The following GRK5 variants were observed in gnomAD, a reference collection of about 807,000 sequenced individuals.
GRK5 encodes g protein-coupled receptor kinase GRK5.
GRK5 carries 40 observed loss-of-function variants against 78.4 expected under a neutral mutation model. The ratio of observed to expected loss-of-function variants is 0.51; its 90% CI spans 0.40 to 0.66. GRK5 has a LOEUF of 0.66. GRK5 is among the 30% of genes least tolerant of loss of function. GRK5 has a pLI of 0.00. For synonymous variants in GRK5, 289 were observed against 296.8 expected (o/e 0.97, Z 0.27); for missense variants, 598 against 759.9 (o/e 0.79, Z 2.50).
chr10:119,237,681 G>A (rs1184105012), intron 1 of GRK5, among the ~76,000 whole-genome samples: 1 of 152,140 alleles, frequency 6.6e-6, no homozygotes, highest in African/African-American at 2.4e-5. Context: ...ACTTCAGGGA[G>A]CCGGAGAGGG....
chr10:119,275,067 G>C (rs1487090403), intron 1 of GRK5, among the ~76,000 whole-genome samples: 1 of 152,150 alleles, frequency 6.6e-6, no homozygotes, highest in Non-Finnish European at 1.5e-5. Flanking sequence ...CTGGGTTTGG[G>C]GAAGATTGAG....
chr10:119,431,506 G>A lies in GRK5; in HGVS notation c.717G>A (p.Glu239=), dbSNP rs1223452440. ...SMALNEKQIL[E]KVNSQFVVNL... The stretch of plus-strand genomic sequence containing the variant: ...CCCTCAATGAGAAGCAGATCCTCGA[G>A]AAGGTCAACAGTCAGTTTGTGGTGA... Residue 239 remains glutamate, a synonymous_variant, in exon 8 of 16, where the codon GAG becomes GAA. Transcript: ENST00000392870. The surrounding 1 kb of genome is among the most constrained non-coding windows in gnomAD (Gnocchi z 4.8). 6.2e-7 allele frequency: 1 copy of A among 1,613,850 alleles called. No individual in the cohort carries two copies. Among genetic ancestry groups the A allele is most frequent in the South Asian group, 1.1e-5 (1 of 91,030 alleles).
intron 1 of GRK5, among the ~76,000 whole-genome samples, chr10:119,256,965 G>T (rs566109954): frequency 6.6e-6 from 1 of 152,284 alleles, no homozygotes; most frequent in African/African-American, 2.4e-5. Context: ...GACATTTCAC[G>T]TAAATGAAAT....
chr10:119,212,344 G>C (rs1848501314), intron 1 of GRK5, among the ~76,000 whole-genome samples: 1 of 152,184 alleles, frequency 6.6e-6, no homozygotes, highest in African/African-American at 2.4e-5. Flanking sequence ...TAGCTTAGCT[G>C]CTGCTTGTCA....
chr10:119,414,212 T>C (rs1852401198), intron 4 of GRK5, among the ~76,000 whole-genome samples: 1 of 152,194 alleles, frequency 6.6e-6, no homozygotes, highest in South Asian at 2.1e-4. Context: ...TGCCCACATA[T>C]GAAAATATAC....
intron 1 of GRK5, among the ~76,000 whole-genome samples, chr10:119,266,021 C>A (rs566915484): frequency 3.1e-4 from 47 of 152,286 alleles, no homozygotes; most frequent in African/African-American, 1.1e-3. Flanking sequence ...TTCAGCTGAA[C>A]CTAAGGCTAC....
chr10:119,277,469 CT>C (rs143223262), intron 1 of GRK5, among the ~76,000 whole-genome samples: 20,233 of 152,140 alleles, frequency 0.13, 1,420 homozygotes, highest in Middle Eastern at 0.17. Context: ...GGCTACACCC[CT>C]CTCCCCCTCT....
intron 1 of GRK5, among the ~76,000 whole-genome samples, chr10:119,290,215 C>T (rs904391605): frequency 4.0e-5 from 6 of 151,808 alleles, no homozygotes; most frequent in Non-Finnish European, 7.4e-5. Flanking sequence ...GGCATGTTGG[C>T]GGGTGCCTGT....
chr10:119,365,002 C>A (rs1384385859), intron 2 of GRK5, among the ~76,000 whole-genome samples: 1 of 152,092 alleles, frequency 6.6e-6, no homozygotes, highest in Non-Finnish European at 1.5e-5. Flanking sequence ...GAGGAGCTAC[C>A]TATCAGGTTT....
intron 2 of GRK5, among the ~76,000 whole-genome samples, chr10:119,337,269 T>C (rs1328501101): frequency 6.6e-6 from 1 of 152,196 alleles, no homozygotes; most frequent in Non-Finnish European, 1.5e-5. Context: ...AGAAACAAGG[T>C]CTTGCCAGGG....
chr10:119,256,867 T>C (rs1374290298), intron 1 of GRK5, among the ~76,000 whole-genome samples: 1 of 152,206 alleles, frequency 6.6e-6, no homozygotes, highest in Non-Finnish European at 1.5e-5. Flanking sequence ...AAAGAAACCC[T>C]GGATCTAATA....
At chr10:119,427,899 A>G (rs1852731741) in intron 6 of GRK5, among the ~76,000 whole-genome samples, 1 of 146,880 alleles carries the variant, frequency 6.8e-6, no homozygotes, top group South Asian at 2.1e-4. Flanking sequence ...TGCTATCATC[A>G]GTATCATCGC....
chr10:119,317,896 G>T (rs1310313958), intron 1 of GRK5, among the ~76,000 whole-genome samples: 1 of 152,050 alleles, frequency 6.6e-6, no homozygotes, highest in African/African-American at 2.4e-5. Flanking sequence ...TTACAGCAGT[G>T]GTTCTCAAAG....
At chr10:119,329,616 G>C (rs1231728081) in intron 2 of GRK5, among the ~76,000 whole-genome samples, 1 of 152,060 alleles carries the variant, frequency 6.6e-6, no homozygotes, top group Non-Finnish European at 1.5e-5. Flanking sequence ...TGTAATCCCA[G>C]CTACTCGGGA....
At chr10:119,440,874 C>T (rs975098536) in intron 10 of GRK5, among the ~76,000 whole-genome samples, 18 of 152,154 alleles carry the variant, frequency 1.2e-4, no homozygotes, top group African/African-American at 4.3e-4. Flanking sequence ...TAGATCTTCC[C>T]ACCTGCACAG....
chr10:119,423,516 T>A (rs1852612873), intron 5 of GRK5, among the ~76,000 whole-genome samples: 1 of 152,224 alleles, frequency 6.6e-6, no homozygotes, highest in East Asian at 1.9e-4. Flanking sequence ...CAGAGGAATG[T>A]GCAAACATTT....
In GRK5 at chr10:119,442,093, G is replaced by A. The variant is rs1359732443; in HGVS notation, c.1057+5G>A. On this transcript the variant is annotated splice_donor_5th_base_variant and intron_variant, in intron 11 of 15. Coordinates refer to ENST00000392870, the MANE Select transcript of GRK5 (RefSeq NM_005308.3). ...TGGGCACTGTTGGCTACATGGGTGA[G>A]TGCTGGGCTGCCTGTGTCAATGCAC... 1.2e-6 allele frequency: 2 copies of A among 1,612,604 alleles called. No individual in the cohort carries two copies. The highest frequency in any genetic ancestry group is 8.5e-7 in the Non-Finnish European group (1 of 1,178,916).
intron 1 of GRK5, among the ~76,000 whole-genome samples, chr10:119,308,414 T>C (rs1454892473): frequency 7.9e-5 from 12 of 152,222 alleles, no homozygotes; most frequent in Admixed American, 7.9e-4. Flanking sequence ...GCTGCTTCGG[T>C]ACAGTCATCT....
At chr10:119,341,418 A>C (rs951177169) in intron 2 of GRK5, among the ~76,000 whole-genome samples, 5 of 151,948 alleles carry the variant, frequency 3.3e-5, no homozygotes, top group African/African-American at 1.2e-4. Context: ...CCATTCCTTC[A>C]TGTTTCTTCT....
Sources: gnomAD v4.1 joint callset for allele counts (sites outside exome capture counted in the v4.1 genomes callset) on GRCh38, gnomAD v4.1.1 for gene constraint, Gnocchi (gnomAD v3.1) non-coding constraint, MANE v1.5 for transcripts, NCBI Gene and HGNC (gene_info 2026-07-23, HGNC 2026-07-21) for gene names.